Variants in MAF observed in about 807,000 individuals in gnomAD.
MAF encodes MAF bZIP transcription factor.
In MAF, 10 loss-of-function variants were observed where a neutral mutation model predicts 22.0. The observed-to-expected ratio is 0.45, with a 90% CI of 0.28 to 0.77. The LOEUF (loss-of-function observed/expected upper bound fraction) is 0.77. Among genes scored for constraint, MAF ranks in the 30% least tolerant of loss-of-function variants. MAF has a pLI of 0.12. For synonymous variants in MAF, 337 were observed against 255.8 expected (o/e 1.32, Z -3.03); for missense variants, 544 against 548.4 (o/e 0.99, Z 0.08).
the MAF span, among the ~76,000 whole-genome samples, chr16:79,325,490 G>C: frequency 6.6e-6 from 1 of 152,100 alleles, no homozygotes; most frequent in African/African-American, 2.4e-5. Flanking sequence ...CCCACAGCTA[G>C]TAAGTGGAAA....
the MAF span, among the ~76,000 whole-genome samples, chr16:79,349,809 G>A: frequency 1.3e-5 from 2 of 152,182 alleles, no homozygotes; most frequent in Non-Finnish European, 2.9e-5. Context: ...CTGCTTGCCT[G>A]TGCGTTGTGA....
chr16:79,496,862 C>T, the MAF span, among the ~76,000 whole-genome samples: 1 of 152,160 alleles, frequency 6.6e-6, no homozygotes, highest in South Asian at 2.1e-4. Flanking sequence ...ATCATCCAAT[C>T]ATGACAAATC....
At chr16:79,542,718 G>A in the MAF span, among the ~76,000 whole-genome samples, 1 of 152,162 alleles carries the variant, frequency 6.6e-6, no homozygotes, top group Non-Finnish European at 1.5e-5. Context: ...TCCTGGACTG[G>A]GAGGGGTTAG....
At chr16:79,568,171 G>C in the MAF span, among the ~76,000 whole-genome samples, 1 of 152,220 alleles carries the variant, frequency 6.6e-6, no homozygotes, top group African/African-American at 2.4e-5. Flanking sequence ...TTTGCATGCA[G>C]ATTAGAGAAA....
the MAF span, among the ~76,000 whole-genome samples, chr16:79,508,648 T>C: frequency 6.6e-6 from 1 of 152,326 alleles, no homozygotes; most frequent in East Asian, 1.9e-4. Context: ...TCCTACCCTA[T>C]ACTGACTTAA....
the MAF span, among the ~76,000 whole-genome samples, chr16:79,400,031 GAC>G: frequency 6.6e-6 from 1 of 152,196 alleles, no homozygotes; most frequent in South Asian, 2.1e-4. Flanking sequence ...GGCAGTACCC[GAC>G]ACAGGTCTAG....
chr16:79,403,145 C>T, the MAF span, among the ~76,000 whole-genome samples: 2 of 152,178 alleles, frequency 1.3e-5, no homozygotes, highest in South Asian at 4.1e-4. Context: ...GTGACATCAT[C>T]GCATAATAGC....
At chr16:79,341,150 T>C in the MAF span, among the ~76,000 whole-genome samples, 3 of 151,830 alleles carry the variant, frequency 2.0e-5, no homozygotes, top group East Asian at 3.9e-4. Flanking sequence ...CAGAAGAACA[T>C]AGGTACAGGT....
chr16:79,482,635 A>G, the MAF span, among the ~76,000 whole-genome samples: 2 of 152,128 alleles, frequency 1.3e-5, no homozygotes, highest in Non-Finnish European at 2.9e-5. Context: ...ATTTCCATGC[A>G]GCAGTGAAGC....
At chr16:79,392,907 T>A in the MAF span, among the ~76,000 whole-genome samples, 1 of 152,218 alleles carries the variant, frequency 6.6e-6, no homozygotes, top group East Asian at 1.9e-4. Context: ...TGCTTCCCCC[T>A]ACAGCTGAGC....
the MAF span, among the ~76,000 whole-genome samples, chr16:79,448,422 ATTTGTT>A: frequency 4.2e-4 from 52 of 124,932 alleles, no homozygotes; most frequent in Non-Finnish European, 7.2e-4. Context: ...GTTTTGTTTT[ATTTGTT>A]TTTGTTTTTG....
the MAF span, among the ~76,000 whole-genome samples, chr16:79,524,198 A>G: frequency 6.6e-6 from 1 of 152,108 alleles, no homozygotes; most frequent in African/African-American, 2.4e-5. Flanking sequence ...TCAACGGGAG[A>G]GCAGGAGGCC....
the MAF span, among the ~76,000 whole-genome samples, chr16:79,559,339 G>T: frequency 6.6e-6 from 1 of 152,174 alleles, no homozygotes; most frequent in East Asian, 1.9e-4. Flanking sequence ...AAAGGCCCCA[G>T]TTATTCATGG....
the MAF span, among the ~76,000 whole-genome samples, chr16:79,255,982 CT>C: frequency 0.016 from 1,586 of 99,676 alleles, 21 homozygotes; most frequent in African/African-American, 0.063. Flanking sequence ...CTTTTCTTTT[CT>C]TTTTTTTTTT....
the MAF span, among the ~76,000 whole-genome samples, chr16:79,443,369 C>A: frequency 1.3e-5 from 2 of 152,178 alleles, no homozygotes; most frequent in Admixed American, 6.6e-5. Context: ...GATGGTCATC[C>A]TCTCCATCAC....
chr16:79,594,668 T>C (rs1322895589), intron 1 of MAF, 115 bp from the exon 2 acceptor site: 2 of 1,514,554 alleles, frequency 1.3e-6, no homozygotes, highest in Non-Finnish European at 1.8e-6. Context: ...TAGAGACTTA[T>C]TGTAATGAAT....
the MAF span, among the ~76,000 whole-genome samples, chr16:79,369,921 C>G: frequency 3.3e-5 from 5 of 152,332 alleles, no homozygotes; most frequent in Admixed American, 6.5e-5. Context: ...TCCAAATTCT[C>G]AAGGATGGCT....
the MAF span, among the ~76,000 whole-genome samples, chr16:79,478,003 G>T: frequency 6.6e-6 from 1 of 152,156 alleles, no homozygotes; most frequent in Admixed American, 6.5e-5. Flanking sequence ...TTACAGGTGT[G>T]AGCCACTGCG....
the MAF span, among the ~76,000 whole-genome samples, chr16:79,538,673 A>T: frequency 2.0e-5 from 3 of 152,056 alleles, no homozygotes; most frequent in African/African-American, 7.2e-5. Context: ...TGCTGGGAGA[A>T]ATCACCTGGG....
Sources: gnomAD v4.1 joint callset for allele counts (sites outside exome capture counted in the v4.1 genomes callset) on GRCh38, gnomAD v4.1.1 for gene constraint, MANE v1.5 for transcripts, NCBI Gene and HGNC (gene_info 2026-07-23, HGNC 2026-07-21) for gene names.